The following RNF126 variants were observed in gnomAD, a reference collection of about 807,000 sequenced individuals.
The protein encoded by RNF126 is E3 ubiquitin-protein ligase RNF126.
A neutral mutation model predicts 41.9 loss-of-function variants in RNF126; 20 were observed. The ratio of observed to expected loss-of-function variants is 0.48; its 90% confidence interval spans 0.34 to 0.69. RNF126 has a LOEUF of 0.69. Among genes scored for constraint, RNF126 ranks in the 30% least tolerant of loss-of-function variants. The pLI is 0.01. For missense variants in RNF126, 433 were observed against 460.6 expected, an observed-to-expected ratio of 0.94 and a Z score of 0.55; for synonymous variants, 239 against 202.9, an observed-to-expected ratio of 1.18 and a Z score of -1.51.
chr19:651,098 G>A (rs888752510), intron 4 of RNF126, among the ~76,000 whole-genome samples: 2 of 147,564 alleles, frequency 1.4e-5, no homozygotes, highest in East Asian at 3.9e-4. Context: ...TCAACCGCCA[G>A]GAGTAGGGCC....
At chr19:662,688 C>T (rs2030859739) in intron 1 of RNF126, among the ~76,000 whole-genome samples, 1 of 152,146 alleles carries the variant, frequency 6.6e-6, no homozygotes, top group East Asian at 1.9e-4. Flanking sequence ...GCCTCAGTTT[C>T]TCCGTTTGCA....
At chr19:652,091 C>T in intron 3 of RNF126, 142 bp downstream of exon 3, 2 of 779,672 alleles carry the variant, frequency 2.6e-6, no homozygotes, top group Non-Finnish European at 3.9e-6. Context: ...CCGCCCCAAT[C>T]CCTGGCCCGG....
intron 1 of RNF126, among the ~76,000 whole-genome samples, chr19:660,358 G>A (rs1415877143): frequency 6.6e-5 from 10 of 152,260 alleles, no homozygotes; most frequent in Admixed American, 5.2e-4. Flanking sequence ...GGCCCGGAAC[G>A]GCCCAGCTGC....
In RNF126 at chr19:650,236, G is replaced by A; in HGVS notation, c.504C>T (p.Pro168=). The A allele has an allele frequency of 1.3e-6, 2 of 1,577,100 alleles. No individual in the cohort carries two copies. The highest frequency in any genetic ancestry group is 1.2e-5 in the South Asian group (1 of 85,780). The change falls in exon 5 of 9, where the codon CCC becomes CCT. Residue 168 remains proline, a splice_region_variant and synonymous_variant. Coordinates refer to ENST00000292363, the MANE Select transcript of RNF126 (RefSeq NM_194460.3). ...ITPATIPSLG[P]WGVLHSNPMD... ...GACAGGCACCCCCACCCACTCACCA[G>A]GGGCCCAGGCTGGGGATGGTGGCGG...
chr19:647,963 G>T lies in RNF126; in HGVS notation c.*165C>A. 1 of 858,842 alleles carries T rather than the reference G, an allele frequency of 1.2e-6. No individual in the cohort carries two copies. Among genetic ancestry groups the T allele is most frequent in the Non-Finnish European group, 1.7e-6 (1 of 574,596 alleles). 53.2% of individuals were successfully genotyped at this position (858,842 alleles called of 1,614,324 possible). ...ATGTGGCCCACGCCTTCCCAAGCCA[G>T]GGGGCCGGTGGGCCGGGCCCGGGTC... On this transcript the variant is annotated 3_prime_UTR_variant, in exon 9 of 9. Transcript: ENST00000292363.
At chr19:658,838 AG>A (rs1212211287) in intron 1 of RNF126, among the ~76,000 whole-genome samples, 1 of 152,184 alleles carries the variant, frequency 6.6e-6, no homozygotes, top group Non-Finnish European at 1.5e-5. Context: ...GGAACCCCAC[AG>A]GTGCCCATCC....
rs933612295 is a variant in RNF126 at position 659,455 on chromosome 19, G to T, written c.75+3592C>A. Among the ~76,000 whole-genome samples the T allele has an allele frequency of 2.6e-5, 4 of 152,168 alleles. No individual in the cohort carries two copies. The highest frequency in any genetic ancestry group is 7.2e-5 in the African/African-American group (3 of 41,450). On this transcript the variant is annotated intron_variant, in intron 1 of 8. Coordinates refer to ENST00000292363, the MANE Select transcript of RNF126 (RefSeq NM_194460.3). This position sits in a 1 kb window ranked among gnomAD's most constrained non-coding sequence, Gnocchi z 4.9. ...GCGGAGGTTGCAGGCGTTCGGGGGTGGGGGGTCGGCAGGCAGAGCTGGAAC... is the reference window on the plus strand; with the variant it reads ...GCGGAGGTTGCAGGCGTTCGGGGGTTGGGGGTCGGCAGGCAGAGCTGGAAC...
In RNF126 at chr19:648,870, G is replaced by T; in HGVS notation, c.670+12C>A. On this transcript the variant is annotated intron_variant, in intron 7 of 8. Coordinates refer to ENST00000292363, the MANE Select transcript of RNF126 (RefSeq NM_194460.3). ...TGTAATTCCCACTACTCGGGAGGCT[G>T]AGCTCTCATACCTACGTGCTCCTCA... The T allele has an allele frequency of 7.0e-7, 1 of 1,434,060 alleles. No homozygotes were observed. The highest frequency in any genetic ancestry group is 9.2e-7 in the Non-Finnish European group (1 of 1,082,448). 88.8% of individuals were successfully genotyped at this position (1,434,060 alleles called of 1,614,324 possible).
intron 1 of RNF126, 35 bp downstream of exon 1, chr19:663,012 G>T: frequency 8.1e-7 from 1 of 1,227,888 alleles, no homozygotes; most frequent in Non-Finnish European, 1.1e-6. Context: ...CTGCGGCGCA[G>T]ACCCTGCCGC....
rs2030309649 is a variant in RNF126 at position 651,798 on chromosome 19, T to C, written c.256A>G (p.Ile86Val). 8.7e-6 allele frequency: 14 copies of C among 1,612,742 alleles called. No individual in the cohort carries two copies. Among genetic ancestry groups the C allele is most frequent in the Non-Finnish European group, 1.1e-5 (13 of 1,179,856 alleles). Residue 86 changes from isoleucine to valine, a missense_variant, in exon 4 of 9, where the codon ATC becomes GTC. Coordinates refer to ENST00000292363, the MANE Select transcript of RNF126 (RefSeq NM_194460.3). ...GGGATCTCGAAGCTGTCATCGAAGA[T>C]GCCGAAAGCAAACTGTCCGTAGCCC... Reference protein sequence around the residue: ...PQGYGQFAFGIFDDSFEIPTF... With the variant: ...PQGYGQFAFGVFDDSFEIPTF...
Position 656,852 on chromosome 19 carries a change from C to T in RNF126, c.76-3968G>A, listed in dbSNP as rs144316449. Among the ~76,000 whole-genome samples, 3 of 152,292 alleles carry T rather than the reference C, an allele frequency of 2.0e-5. No homozygotes were observed. The East Asian group carries it at 5.8e-4, about 29-fold the overall frequency. Reference sequence around the variant, plus strand: ...GAGACTTCACAGTCAAATCTGAACCCCTGGTTTCTGCCGGTGTCGGGTCTA... The same window carrying T: ...GAGACTTCACAGTCAAATCTGAACCTCTGGTTTCTGCCGGTGTCGGGTCTA... On this transcript the variant is annotated intron_variant, in intron 1 of 8. Transcript: ENST00000292363.
intron 1 of RNF126, among the ~76,000 whole-genome samples, chr19:654,696 G>C (rs919321870): frequency 2.2e-5 from 3 of 135,394 alleles, no homozygotes; most frequent in Non-Finnish European, 3.0e-5. Flanking sequence ...GCCGGGCGCG[G>C]TGTCTCATAC....
At chr19:649,014 G>GGGCCC (rs1158776440) in intron 6 of RNF126, 39 bp from the exon 7 acceptor site, 1 of 1,106,576 alleles carries the variant, frequency 9.0e-7, no homozygotes, top group Non-Finnish European at 1.2e-6. Context: ...AGCTCCTCGG[G>GGGCCC]GGCCCGGCCC....
chr19:651,835 G>T lies in RNF126; in HGVS notation c.219C>A (p.Phe73Leu). The T allele has an allele frequency of 6.2e-7, 1 of 1,611,332 alleles. No individual in the cohort carries two copies. Among genetic ancestry groups the T allele is most frequent in the Admixed American group, 1.7e-5 (1 of 59,954 alleles). The change falls in exon 4 of 9, where the codon TTC (phenylalanine) becomes TTA (leucine). Residue 73 changes from phenylalanine to leucine, a missense_variant. Physicochemically the swap from Phe to Leu is conservative, Grantham distance 22. Transcript: ENST00000292363. ...ACTGTCCGTAGCCCTGCGGCAGCGT[G>T]AACAGGTGCTGGTCCACGTGCTGGG... ...PPLEHVDQHL[F>L]TLPQGYGQFA... is the part of the protein sequence containing the mutation.
In RNF126 at chr19:658,550, T is replaced by C. The variant is rs181014079; in HGVS notation, c.75+4497A>G. Among the ~76,000 whole-genome samples the C allele has an allele frequency of 2.5e-3, 381 of 152,256 alleles. 3 individuals are homozygous for C. Among genetic ancestry groups the C allele is most frequent in the African/African-American group, 8.9e-3 (370 of 41,536 alleles). On this transcript the variant is annotated intron_variant, in intron 1 of 8. Transcript: ENST00000292363. The stretch of plus-strand genomic sequence containing the variant: ...AAAGCTTCCCGGCTGATCCACAGTG[T>C]GTGGGCCCCGCAGCCCCAGAGGCAC...
At chr19:649,439 T>C in intron 6 of RNF126, 2 of 548,040 alleles carry the variant, frequency 3.6e-6, no homozygotes, top group South Asian at 4.5e-5. Context: ...GGGCGAGTCC[T>C]CCCCGCGGTT....
At position 657,292 on chromosome 19, in the gene RNF126, C is replaced by A. The variant is rs546125624; in HGVS notation, c.76-4408G>T. Among the ~76,000 whole-genome samples, 4 of 152,350 alleles carry A rather than the reference C, an allele frequency of 2.6e-5. No homozygotes were observed. In the East Asian group the frequency reaches 7.7e-4, roughly 29 times the overall value. Reference sequence around the variant, plus strand: ...CTCGGCCGCTCTGGTCCCCATGTGCCGAGCTCAGCCCCTCTGTGCATCACT... The same window carrying A: ...CTCGGCCGCTCTGGTCCCCATGTGCAGAGCTCAGCCCCTCTGTGCATCACT... On this transcript the variant is annotated intron_variant, in intron 1 of 8. Transcript: ENST00000292363.
At chr19:651,589 G>A in intron 4 of RNF126, 22 bp downstream of exon 4, 1 of 1,396,230 alleles carries the variant, frequency 7.2e-7, no homozygotes. Context: ...GGCCCTCGCG[G>A]CCACCCCCGG....
intron 1 of RNF126, among the ~76,000 whole-genome samples, chr19:657,592 A>G (rs2030614593): frequency 6.6e-6 from 1 of 152,208 alleles, no homozygotes; most frequent in Non-Finnish European, 1.5e-5. Context: ...TAGGGGTTTC[A>G]AAGGTCACCT....
Sources: gnomAD v4.1 joint callset for allele counts (sites outside exome capture counted in the v4.1 genomes callset) on GRCh38, gnomAD v4.1.1 for gene constraint, Gnocchi (gnomAD v3.1) non-coding constraint, MANE v1.5 for transcripts, NCBI Gene and HGNC (gene_info 2026-07-23, HGNC 2026-07-21) for gene names.